The following SPATA13 variants were observed in gnomAD, a reference collection of about 807,000 sequenced individuals.
SPATA13 encodes spermatogenesis associated 13.
A neutral mutation model predicts 104.0 loss-of-function variants in SPATA13; 50 were observed. The ratio of observed to expected loss-of-function variants is 0.48; its 90% CI spans 0.38 to 0.61. SPATA13 has a LOEUF of 0.61. Ranked by LOEUF, SPATA13 falls within the 20% of genes least tolerant of loss-of-function variation. The probability of loss-of-function intolerance (pLI) is 0.00; values close to 1 mark genes in which losing one functional copy is unlikely to be tolerated. For synonymous variants in SPATA13, 606 were observed against 667.5 expected, an observed-to-expected ratio of 0.91 and a Z score of 1.42; for missense variants, 1,524 against 1,690.6, an observed-to-expected ratio of 0.90 and a Z score of 1.73.
At chr13:24,260,140 T>C (rs1441788568) in intron 4 of SPATA13, among the ~76,000 whole-genome samples, 1 of 152,066 alleles carries the variant, frequency 6.6e-6, no homozygotes, top group Non-Finnish European at 1.5e-5. Flanking sequence ...TCACGCTGAG[T>C]AGAAACGGGG....
chr13:24,203,720 A>G (rs1870547558), intron 1 of SPATA13, among the ~76,000 whole-genome samples: 1 of 152,200 alleles, frequency 6.6e-6, no homozygotes, highest in South Asian at 2.1e-4. Context: ...TTTGGGAGAA[A>G]GAGCTGGAAA....
chr13:24,079,010 G>C (rs1364393571), intron 3 of SPATA13, among the ~76,000 whole-genome samples: 1 of 152,198 alleles, frequency 6.6e-6, no homozygotes, highest in Non-Finnish European at 1.5e-5. Context: ...TCTAAAGGAA[G>C]ATGTAGGGCA....
chr13:23,991,703 C>T (rs1875424548), intron 2 of SPATA13, among the ~76,000 whole-genome samples: 2 of 152,116 alleles, frequency 1.3e-5, no homozygotes, highest in Admixed American at 6.5e-5. Flanking sequence ...TACTTCTCAG[C>T]CCCTAACACC....
chr13:24,048,650 G>C (rs1878230960), intron 3 of SPATA13, among the ~76,000 whole-genome samples: 1 of 151,454 alleles, frequency 6.6e-6, no homozygotes, highest in Non-Finnish European at 1.5e-5. Context: ...GGAAAGTAGA[G>C]ATTTTAGAGT....
chr13:24,214,024 A>T (rs116278243), intron 1 of SPATA13, among the ~76,000 whole-genome samples: 114 of 152,378 alleles, frequency 7.5e-4, no homozygotes, highest in African/African-American at 2.7e-3. Flanking sequence ...TTTCAGAGGC[A>T]TCCTTTGGGA....
Position 24,066,843 on chromosome 13 carries a change from A to G in SPATA13, c.-112+49142A>G, listed in dbSNP as rs371334900. 5.9e-5 allele frequency among the ~76,000 whole-genome samples: 9 copies of G among 152,320 alleles called. No individual in the cohort carries two copies. The South Asian group carries it at 8.3e-4, about 14-fold the overall frequency. The stretch of plus-strand genomic sequence containing the variant: ...GGCATCCGCCCTCTGTGGCAGCCAG[A>G]TTCAGAGACTCCGGCCAGATCTGGC... On this transcript the variant is annotated intron_variant, in intron 3 of 14. Coordinates refer to the SPATA13 transcript ENST00000424834.
intron 4 of SPATA13, chr13:24,252,872 G>T (rs1441874366): frequency 6.6e-6 from 1 of 152,272 alleles, no homozygotes; most frequent in Admixed American, 6.5e-5. Flanking sequence ...CCACCGGAAG[G>T]TGTGTGATGG....
intron 9 of SPATA13, among the ~76,000 whole-genome samples, chr13:24,292,763 C>A (rs868660956): frequency 6.6e-6 from 1 of 151,856 alleles, no homozygotes; most frequent in South Asian, 2.1e-4. Flanking sequence ...TTTGGGAGGC[C>A]GAAACGGGTG....
intron 3 of SPATA13, among the ~76,000 whole-genome samples, chr13:24,117,150 A>G (rs1478256715): frequency 6.6e-6 from 1 of 152,256 alleles, no homozygotes; most frequent in Non-Finnish European, 1.5e-5. Context: ...ATTTATAAAA[A>G]CAAAACAAGA....
chr13:24,043,486 A>G (rs900957450), intron 3 of SPATA13, among the ~76,000 whole-genome samples: 25 of 152,258 alleles, frequency 1.6e-4, no homozygotes, highest in Admixed American at 1.2e-3. Flanking sequence ...TATTACACAC[A>G]CACACACACC....
intron 1 of SPATA13, among the ~76,000 whole-genome samples, chr13:24,201,543 C>T (rs541487416): frequency 6.6e-5 from 10 of 152,198 alleles, no homozygotes; most frequent in East Asian, 1.9e-4. Context: ...CAGGTTCAAG[C>T]GATTCTCCTG....
intron 3 of SPATA13, among the ~76,000 whole-genome samples, chr13:24,075,213 C>T (rs1879287556): frequency 6.6e-6 from 1 of 152,196 alleles, no homozygotes; most frequent in Non-Finnish European, 1.5e-5. Flanking sequence ...TACTCTCTAA[C>T]ATTTTAGTAT....
intron 2 of SPATA13, among the ~76,000 whole-genome samples, chr13:23,987,052 A>G (rs1490532007): frequency 3.2e-5 from 4 of 124,106 alleles, no homozygotes; most frequent in African/African-American, 6.0e-5. Flanking sequence ...ACTACTCCAC[A>G]TGGGGCAGGC....
At chr13:24,149,998 G>A (rs1467477997) in intron 3 of SPATA13, among the ~76,000 whole-genome samples, 1 of 152,032 alleles carries the variant, frequency 6.6e-6, no homozygotes, top group Non-Finnish European at 1.5e-5. Flanking sequence ...GGAAGGGAGA[G>A]TGTGGGGCAT....
intron 4 of SPATA13, among the ~76,000 whole-genome samples, chr13:24,256,391 C>T (rs1873792100): frequency 6.6e-6 from 1 of 152,072 alleles, no homozygotes; most frequent in South Asian, 2.1e-4. Context: ...ATGCTAATTA[C>T]CCTGATTTGC....
chr13:24,264,363 C>T (rs1874197210), intron 4 of SPATA13, among the ~76,000 whole-genome samples: 1 of 152,164 alleles, frequency 6.6e-6, no homozygotes, highest in Non-Finnish European at 1.5e-5. Context: ...GAGCCAGTAG[C>T]ACTCTGTACG....
chr13:24,032,519 G>A (rs796626508), intron 3 of SPATA13, among the ~76,000 whole-genome samples: 10 of 152,272 alleles, frequency 6.6e-5, no homozygotes, highest in East Asian at 1.9e-4. Context: ...ATAAGGAGTC[G>A]TTACAAATAT....
intron 3 of SPATA13, among the ~76,000 whole-genome samples, chr13:24,112,759 A>G (rs960810259): frequency 6.6e-6 from 1 of 152,090 alleles, no homozygotes; most frequent in African/African-American, 2.4e-5. Flanking sequence ...TGGGCTGGGC[A>G]CTCATCCTTC....
intron 3 of SPATA13, among the ~76,000 whole-genome samples, chr13:24,080,802 A>G (rs1031227973): frequency 6.6e-6 from 1 of 152,190 alleles, no homozygotes; most frequent in East Asian, 1.9e-4. Flanking sequence ...GCATTACTGT[A>G]TGCCTCGTGG....
Sources: gnomAD v4.1 joint callset for allele counts (sites outside exome capture counted in the v4.1 genomes callset) on GRCh38, gnomAD v4.1.1 for gene constraint, MANE v1.5 for transcripts, NCBI Gene and HGNC (gene_info 2026-07-23, HGNC 2026-07-21) for gene names.